Variants in VASH2 observed in about 807,000 individuals in gnomAD.
VASH2 encodes tubulinyl-Tyr carboxypeptidase 2.
In VASH2, 28 loss-of-function variants were observed where a neutral mutation model predicts 37.2. That is an observed-to-expected ratio of 0.75 (90% confidence interval 0.56 to 1.03). The LOEUF is 1.03. Among genes scored for constraint, VASH2 ranks in the 50% least tolerant of loss-of-function variants. The pLI is 0.00. For synonymous variants in VASH2, 188 were observed against 174.7 expected, an observed-to-expected ratio of 1.08 and a Z score of -0.60; for missense variants, 419 against 459.1, an observed-to-expected ratio of 0.91 and a Z score of 0.80.
chr1:212,981,240 C>T (rs868060231), intron 7 of VASH2, among the ~76,000 whole-genome samples: 5 of 152,228 alleles, frequency 3.3e-5, no homozygotes, highest in South Asian at 4.1e-4. Context: ...GGGCCGAATC[C>T]GTCTTGGCTG....
intron 2 of VASH2, among the ~76,000 whole-genome samples, chr1:212,955,118 T>G (rs114505710): frequency 4.6e-5 from 7 of 152,276 alleles, no homozygotes; most frequent in Non-Finnish European, 1.0e-4. Context: ...GAGGAATTTG[T>G]ACAGAAGAAG....
chr1:212,951,570 C>T lies in VASH2; in HGVS notation c.28C>T (p.Arg10Cys). Residue 10 changes from arginine (R) to cysteine (C), a missense_variant, in exon 2 of 8, where the codon CGC becomes TGC. Physicochemically the swap from Arg to Cys is radical, Grantham distance 180 (BLOSUM62 -3). Around this residue, in one of 3 missense-constraint regions of VASH2, gnomAD observed 158 missense variants for 163.0 expected, o/e 0.97. Coordinates refer to ENST00000517399, the MANE Select transcript of VASH2 (RefSeq NM_001301056.2). The surrounding 1 kb of genome is among the most constrained non-coding windows in gnomAD (Gnocchi z 4.4). ...GACCGGCTCCGCGGCCGACACTCACCGCTGCCCCCACCCCAAAGGCGCCAA... is the reference window on the plus strand; with the variant it reads ...GACCGGCTCCGCGGCCGACACTCACTGCTGCCCCCACCCCAAAGGCGCCAA... MTGSAADTHRCPHPKGAKGT... is the reference protein window; with the variant it reads MTGSAADTHCCPHPKGAKGT... 2 of 1,538,688 alleles carry T rather than the reference C, an allele frequency of 1.3e-6. No homozygotes were observed. The highest frequency in any genetic ancestry group is 1.8e-6 in the Non-Finnish European group (2 of 1,142,814).
At chr1:212,952,491 T>C (rs1385908917) in intron 2 of VASH2, 1 of 152,360 alleles carries the variant, frequency 6.6e-6, no homozygotes. Flanking sequence ...GACTTTCCAG[T>C]ACACATGATG....
chr1:212,986,154 A>G (rs140833642), intron 7 of VASH2, among the ~76,000 whole-genome samples: 1 of 152,308 alleles, frequency 6.6e-6, no homozygotes, highest in African/African-American at 2.4e-5. Context: ...TGGAAATAAT[A>G]TTTTACTAGC....
In VASH2 at chr1:212,964,319, G is replaced by A. The variant is rs77228459; in HGVS notation, c.366-1403G>A. Among the ~76,000 whole-genome samples the A allele has an allele frequency of 8.4e-3, 1,276 of 152,314 alleles. 12 individuals carry two copies. Among genetic ancestry groups the A allele is most frequent in the African/African-American group, 0.029 (1,191 of 41,564 alleles). On this transcript the variant is annotated intron_variant, in intron 3 of 7. Transcript: ENST00000517399. Reference sequence around the variant, plus strand: ...CCTTTTCAGGAGGGATCGAAGTGCCGCTAGGCGCCCCTGTCACTGTGGGGC... The same window carrying A: ...CCTTTTCAGGAGGGATCGAAGTGCCACTAGGCGCCCCTGTCACTGTGGGGC...
intron 5 of VASH2, chr1:212,967,051 G>A (rs1666870538): frequency 3.9e-6 from 5 of 1,284,726 alleles, no homozygotes; most frequent in African/African-American, 1.5e-5. Flanking sequence ...GGCTCGCCAG[G>A]GAAAATTCTA....
intron 7 of VASH2, among the ~76,000 whole-genome samples, chr1:212,988,060 C>T (rs563423417): frequency 1.3e-5 from 2 of 152,238 alleles, no homozygotes; most frequent in East Asian, 3.9e-4. Flanking sequence ...GAACATTAAC[C>T]GCTCCCTGGG....
chr1:212,988,570 CAA>C lies in VASH2; in HGVS notation c.1056_1057del (p.Gln352HisfsTer38), dbSNP rs2075823042. 1 of 1,614,108 alleles carries C rather than the reference CAA, an allele frequency of 6.2e-7. No homozygotes were observed. The highest frequency in any genetic ancestry group is 8.5e-7 in the Non-Finnish European group (1 of 1,179,978). ...DLSTLNEVGY[Q>X]IRI ...GAGCACTCTGAATGAAGTGGGCTAT[CAA>C]ATCCGAATTTAGCCAAGCCATACCG... On this transcript the variant is annotated frameshift_variant, in exon 8 of 8. Coordinates refer to ENST00000517399, the MANE Select transcript of VASH2 (RefSeq NM_001301056.2). LOFTEE classifies it high-confidence loss of function.
At chr1:212,983,316 G>T (rs1302110506) in intron 7 of VASH2, among the ~76,000 whole-genome samples, 1 of 152,188 alleles carries the variant, frequency 6.6e-6, no homozygotes, top group Non-Finnish European at 1.5e-5. Flanking sequence ...TTGGCCCATG[G>T]TTCTGGATGC....
Position 212,965,706 on chromosome 1 carries a change from T to G in VASH2, c.366-16T>G. On this transcript the variant is annotated splice_polypyrimidine_tract_variant and intron_variant, in intron 3 of 7. Coordinates refer to ENST00000517399, the MANE Select transcript of VASH2 (RefSeq NM_001301056.2). ...TTGGAGTTTTCTGTCACTTTCCCTTTACATACTTTACACAGATATAATCAC... is the reference window on the plus strand; with the variant it reads ...TTGGAGTTTTCTGTCACTTTCCCTTGACATACTTTACACAGATATAATCAC... 1 of 1,549,444 alleles carries G rather than the reference T, an allele frequency of 6.5e-7. No individual in the cohort carries two copies. Among genetic ancestry groups the G allele is most frequent in the Non-Finnish European group, 8.7e-7 (1 of 1,144,706 alleles).
intron 7 of VASH2, chr1:212,974,766 A>G (rs1441621697): frequency 6.6e-6 from 1 of 152,256 alleles, no homozygotes; most frequent in Non-Finnish European, 1.5e-5. Flanking sequence ...TAATAGCAGC[A>G]TGCTGTGTCA....
At chr1:212,965,959 G>T in intron 4 of VASH2, 181 bp downstream of exon 4, 1 of 622,342 alleles carries the variant, frequency 1.6e-6, no homozygotes, top group Non-Finnish European at 2.8e-6. Flanking sequence ...AACTCTGACA[G>T]TGGAGCTCAG....
chr1:212,972,859 C>G lies in VASH2; in HGVS notation c.777C>G (p.Phe259Leu), dbSNP rs1667054321. 1 of 1,614,170 alleles carries G rather than the reference C, an allele frequency of 6.2e-7. No homozygotes were observed. Among genetic ancestry groups the G allele is most frequent in the Non-Finnish European group, 8.5e-7 (1 of 1,180,040 alleles). Reference sequence around the variant, plus strand: ...ACGTCCCCCATGAGCCTCATAGCTTCCAGCCCATTGAGTGGAAGCAGCTGG... The same window carrying G: ...ACGTCCCCCATGAGCCTCATAGCTTGCAGCCCATTGAGTGGAAGCAGCTGG... ...GLYVPHEPHS[F>L]QPIEWKQLVL... The change falls in exon 6 of 8, where the codon TTC (phenylalanine) becomes TTG (leucine). Residue 259 changes from phenylalanine to leucine, a missense_variant. Coordinates refer to ENST00000517399, the MANE Select transcript of VASH2 (RefSeq NM_001301056.2).
At chr1:212,968,362 GGGGAT>G in intron 5 of VASH2, 8 of 985,434 alleles carry the variant, frequency 8.1e-6, no homozygotes, top group Non-Finnish European at 9.6e-6. Context: ...AGGAGAGAAA[GGGGAT>G]GGAGAGGTCA....
chr1:212,972,517 C>G, intron 5 of VASH2, 63 bp from the exon 6 acceptor site: 1 of 1,580,186 alleles, frequency 6.3e-7, no homozygotes, highest in Non-Finnish European at 8.5e-7. Context: ...CTTTCCCTTC[C>G]TTTGCATCCA....
At chr1:212,953,231 G>C (rs895216375) in intron 2 of VASH2, among the ~76,000 whole-genome samples, 2 of 85,628 alleles carry the variant, frequency 2.3e-5, no homozygotes, top group Non-Finnish European at 5.2e-5. Context: ...GCGGGTGCGC[G>C]GGGGGGGGTG....
At chr1:212,968,874 G>C in intron 5 of VASH2, 1 of 985,432 alleles carries the variant, frequency 1.0e-6, no homozygotes, top group Non-Finnish European at 1.2e-6. Context: ...CTTTGTTGAG[G>C]GGTGTCTGAG....
rs2075827399 is a variant in VASH2 at position 212,989,049 on chromosome 1, TCAGATA to T, written c.*466_*471del. 1 of 161,574 alleles carries T rather than the reference TCAGATA, an allele frequency of 6.2e-6. No individual in the cohort carries two copies. The allele number at this position is 161,574 out of a possible 1,614,324, so 10.0% of individuals were successfully genotyped here. A position where few individuals can be genotyped will look rare whatever the true frequency, so the allele number is the denominator to read the frequency against. On this transcript the variant is annotated 3_prime_UTR_variant, in exon 8 of 8. Transcript: ENST00000517399. Reference sequence around the variant, plus strand: ...CAGTTATTACCTCAGCATTTTGACATCAGATATGCAAACTTAATGGCGTTTTGTTTT... The same window carrying T: ...CAGTTATTACCTCAGCATTTTGACATTGCAAACTTAATGGCGTTTTGTTTT...
At chr1:212,966,378 C>A in intron 5 of VASH2, 33 bp downstream of exon 5, 2 of 1,535,342 alleles carry the variant, frequency 1.3e-6, no homozygotes, top group South Asian at 1.2e-5. Context: ...TTAGTTTACT[C>A]CATAAATGGC....
Sources: allele counts gnomAD v4.1 joint callset (sites outside exome capture counted in the v4.1 genomes callset), GRCh38; gene constraint gnomAD v4.1.1; regional missense constraint gnomAD v4.1.1; non-coding constraint Gnocchi (gnomAD v3.1); transcripts MANE v1.5; gene names NCBI Gene and HGNC (gene_info 2026-07-23, HGNC 2026-07-21).